Variants in MGLL observed in about 807,000 individuals in gnomAD.
The protein encoded by MGLL is monoglyceride lipase, also known as lysophospholipase homolog.
Under a neutral mutation model 29.1 loss-of-function variants are expected in MGLL, and 7 were observed. That is an observed-to-expected ratio of 0.24 (90% CI 0.14 to 0.45). The LOEUF (loss-of-function observed/expected upper bound fraction) is 0.45. MGLL is among the 20% of genes least tolerant of loss of function. The pLI, the probability that MGLL is intolerant of heterozygous loss-of-function variation, is 0.99. For synonymous variants in MGLL, 148 were observed against 168.3 expected (o/e 0.88, Z 0.93); for missense variants, 356 against 413.6 (o/e 0.86, Z 1.21).
chr3:127,762,911 C>T (rs1000766445), intron 3 of MGLL, among the ~76,000 whole-genome samples: 2 of 152,194 alleles, frequency 1.3e-5, no homozygotes, highest in Non-Finnish European at 2.9e-5. Context: ...ACGCCTCAGG[C>T]CAGGTCTGTG....
intron 3 of MGLL, among the ~76,000 whole-genome samples, chr3:127,733,420 T>G (rs1279680859): frequency 6.6e-6 from 1 of 152,238 alleles, no homozygotes; most frequent in Non-Finnish European, 1.5e-5. Context: ...CTCGCTTTCA[T>G]GTTACTCTAT....
intron 3 of MGLL, among the ~76,000 whole-genome samples, chr3:127,752,831 G>A (rs1410538959): frequency 6.6e-6 from 1 of 152,112 alleles, no homozygotes; most frequent in Non-Finnish European, 1.5e-5. Context: ...TCTCTTCCCC[G>A]AGCCTGAAAT....
In MGLL at chr3:127,691,409, A is replaced by T. The variant is rs1453670331; in HGVS notation, c.*789T>A. On this transcript the variant is annotated 3_prime_UTR_variant, in exon 8 of 8. Coordinates refer to ENST00000265052, the MANE Select transcript of MGLL (RefSeq NM_007283.7). ...TTATATATTAGACATTTCATCTTCA[A>T]TATGATTCTCTCATAGCATCAGGTA... 1 of 152,216 alleles carries T rather than the reference A, an allele frequency of 6.6e-6. No homozygotes were observed. Among genetic ancestry groups the T allele is most frequent in the Non-Finnish European group, 1.5e-5 (1 of 68,070 alleles). The allele number at this position is 152,216 out of a possible 1,614,324, so 9.4% of individuals were successfully genotyped here.
chr3:127,722,649 G>T (rs1047951892), intron 3 of MGLL, 83 bp from the exon 4 acceptor site: 3 of 1,578,216 alleles, frequency 1.9e-6, no homozygotes, highest in Non-Finnish European at 2.6e-6. Context: ...CACTGCAATC[G>T]CTCTCTCTCC....
At chr3:127,694,082 C>T (rs2075298856) in intron 7 of MGLL, among the ~76,000 whole-genome samples, 1 of 151,694 alleles carries the variant, frequency 6.6e-6, no homozygotes, top group Admixed American at 6.6e-5. Context: ...CCAACCTGGT[C>T]AACATGATGA....
intron 6 of MGLL, among the ~76,000 whole-genome samples, chr3:127,708,254 A>G (rs2075641706): frequency 6.6e-6 from 1 of 152,188 alleles, no homozygotes; most frequent in South Asian, 2.1e-4. Flanking sequence ...GCGGCAGGCG[A>G]GGGAGGGAAA....
chr3:127,815,514 T>C (rs1242341393), intron 2 of MGLL, among the ~76,000 whole-genome samples: 2 of 152,252 alleles, frequency 1.3e-5, no homozygotes, highest in African/African-American at 4.8e-5. Context: ...TGACGCGGCC[T>C]TCTTTGCCTT....
At chr3:127,705,509 G>A (rs2075582795) in intron 6 of MGLL, among the ~76,000 whole-genome samples, 3 of 152,124 alleles carry the variant, frequency 2.0e-5, no homozygotes, top group African/African-American at 7.2e-5. Flanking sequence ...CAGTGCAGTG[G>A]CTCACACCTG....
At chr3:127,791,094 G>C (rs1227947777) in intron 2 of MGLL, 1 of 152,216 alleles carries the variant, frequency 6.6e-6, no homozygotes, top group Non-Finnish European at 1.5e-5. Context: ...CGTCTGAGGA[G>C]GCTTCCTCTT....
At chr3:127,810,573 C>T (rs2077645274) in intron 2 of MGLL, among the ~76,000 whole-genome samples, 1 of 152,208 alleles carries the variant, frequency 6.6e-6, no homozygotes, top group South Asian at 2.1e-4. Context: ...CACAAGACAA[C>T]ATCCATGGTG....
intron 3 of MGLL, among the ~76,000 whole-genome samples, chr3:127,750,930 G>C (rs1292668251): frequency 6.6e-6 from 1 of 152,174 alleles, no homozygotes; most frequent in Non-Finnish European, 1.5e-5. Context: ...GCATTAAATG[G>C]ACTTGCCAGG....
intron 7 of MGLL, among the ~76,000 whole-genome samples, chr3:127,693,350 A>G (rs1434691655): frequency 6.6e-6 from 1 of 152,168 alleles, no homozygotes; most frequent in Non-Finnish European, 1.5e-5. Flanking sequence ...GGATGCTTTT[A>G]AAATGAAAAT....
chr3:127,770,401 G>C (rs909700085), intron 3 of MGLL, among the ~76,000 whole-genome samples: 1 of 152,084 alleles, frequency 6.6e-6, no homozygotes, highest in African/African-American at 2.4e-5. Flanking sequence ...AGAGCTGAAT[G>C]GCCCTGCATA....
intron 3 of MGLL, among the ~76,000 whole-genome samples, chr3:127,769,350 CAAAAAAAAAGA>C (rs1460888281): frequency 7.2e-5 from 3 of 41,812 alleles, no homozygotes; most frequent in Non-Finnish European, 1.9e-4. Context: ...GACTCTATCT[CAAAAAAAAAGA>C]AAAAAAAAAG....
chr3:127,806,827 G>A (rs552884574), intron 2 of MGLL, among the ~76,000 whole-genome samples: 42 of 152,232 alleles, frequency 2.8e-4, no homozygotes, highest in African/African-American at 9.4e-4. Flanking sequence ...AGGAGTTCGA[G>A]ACCAGCCTGG....
At chr3:127,741,563 C>T (rs1045627956) in intron 3 of MGLL, among the ~76,000 whole-genome samples, 4 of 152,176 alleles carry the variant, frequency 2.6e-5, no homozygotes, top group African/African-American at 9.7e-5. Flanking sequence ...GGGGAGCGGG[C>T]AGAGGTTTGT....
chr3:127,735,871 C>G, intron 3 of MGLL: 2 of 1,583,478 alleles, frequency 1.3e-6, no homozygotes, highest in Non-Finnish European at 1.7e-6. Context: ...CTCCCACTTA[C>G]AAGGATTTTC....
chr3:127,767,432 G>C (rs567213896), intron 3 of MGLL, among the ~76,000 whole-genome samples: 1 of 152,152 alleles, frequency 6.6e-6, no homozygotes, highest in Non-Finnish European at 1.5e-5. Context: ...TTCATGGCTC[G>C]TGGCAAGGAT....
intron 3 of MGLL, among the ~76,000 whole-genome samples, chr3:127,763,793 T>A (rs2076808304): frequency 6.6e-6 from 1 of 152,118 alleles, no homozygotes; most frequent in Admixed American, 6.5e-5. Flanking sequence ...ACTGAACCCC[T>A]GTGTGGGGGA....
Sources: allele counts gnomAD v4.1 joint callset (sites outside exome capture counted in the v4.1 genomes callset), GRCh38; gene constraint gnomAD v4.1.1; transcripts MANE v1.5; gene names NCBI Gene and HGNC (gene_info 2026-07-23, HGNC 2026-07-21).